Variants in COL2A1 observed in about 807,000 individuals in gnomAD.
COL2A1 encodes the protein collagen alpha-1(II) chain.
A neutral mutation model predicts 204.5 loss-of-function variants in COL2A1; 28 were observed. That is an observed-to-expected ratio of 0.14 (90% confidence interval 0.10 to 0.19). The LOEUF (loss-of-function observed/expected upper bound fraction) is 0.19, where lower values mean the gene tolerates loss of function less well. Among genes scored for constraint, COL2A1 ranks in the 10% least tolerant of loss-of-function variants. The probability of loss-of-function intolerance (pLI) is 1.00; values close to 1 mark genes in which losing one functional copy is unlikely to be tolerated. For missense variants in COL2A1, 1,388 were observed against 2,027.5 expected (o/e 0.68, Z 6.06); for synonymous variants, 708 against 718.7 (o/e 0.99, Z 0.24).
rs1223523741 is a variant in COL2A1 at position 47,975,515 on chromosome 12, C to T, written c.3688G>A (p.Glu1230Lys). Reference sequence around the variant, plus strand: ...TACTGCAGGGGGTCGGGGCCCTTCTCTCTCGGGCCTAAGCCAGCAAAGGCG... The same window carrying T: ...TACTGCAGGGGGTCGGGGCCCTTCTTTCTCGGGCCTAAGCCAGCAAAGGCG... ...MSAFAGLGPR[E>K]KGPDPLQYMR... The change falls in exon 51 of 54, where the codon GAG becomes AAG. Residue 1230 changes from glutamate (E) to lysine (K), a missense_variant. By Grantham distance (56) the Glu-to-Lys change is moderately conservative (BLOSUM62 1). Around this residue, in one of 3 missense-constraint regions of COL2A1, gnomAD observed 303 missense variants for 369.2 expected, o/e 0.82. Transcript: ENST00000380518. 3.1e-6 allele frequency: 5 copies of T among 1,610,720 alleles called. No homozygotes were observed. Among genetic ancestry groups the T allele is most frequent in the African/African-American group, 1.3e-5 (1 of 74,912 alleles).
chr12:47,985,686 T>C (rs1490722867), intron 25 of COL2A1, 42 bp downstream of exon 25: 8 of 1,611,120 alleles, frequency 5.0e-6, no homozygotes, highest in Non-Finnish European at 6.8e-6. Context: ...AGGAAGGGCC[T>C]GAGGGTCTGA....
In COL2A1 at chr12:47,976,951, G is replaced by A. The variant is rs1442192742; in HGVS notation, c.3328-32C>T. ...ACAAGACAGACACCGATTGAGTCAGGTCAGGGCCAGGACAGGAGCCCCCTC... is the reference window on the plus strand; with the variant it reads ...ACAAGACAGACACCGATTGAGTCAGATCAGGGCCAGGACAGGAGCCCCCTC... On this transcript the variant is annotated intron_variant, in intron 47 of 53. Transcript: ENST00000380518. This position sits in a 1 kb window ranked among gnomAD's most constrained non-coding sequence, Gnocchi z 4.3. 6.4e-7 allele frequency: 1 copy of A among 1,569,270 alleles called. No homozygotes were observed. Among genetic ancestry groups the A allele is most frequent in the Non-Finnish European group, 8.7e-7 (1 of 1,151,756 alleles).
intron 17 of COL2A1, 67 bp from the exon 18 acceptor site, chr12:47,989,348 G>T: frequency 1.6e-6 from 2 of 1,254,502 alleles, no homozygotes; most frequent in South Asian, 2.5e-5. Context: ...GAGCCACCCC[G>T]ACACCTCACA....
At chr12:47,984,958 C>A (rs1939309850) in intron 27 of COL2A1, 37 bp downstream of exon 27, 3 of 1,559,458 alleles carry the variant, frequency 1.9e-6, no homozygotes, top group African/African-American at 2.7e-5. Flanking sequence ...TAGGTAGCAC[C>A]ACATGGAAGG....
In COL2A1 at chr12:47,998,403, G is replaced by A; in HGVS notation, c.309+12C>T. On this transcript the variant is annotated intron_variant, in intron 3 of 53. Coordinates refer to ENST00000380518, the MANE Select transcript of COL2A1 (RefSeq NM_001844.5). ...AAAAAATATGAAAAAAGAAAAAGAA[G>A]AAAGCCCTTACCTTTGGTCCTGGTT... The A allele has an allele frequency of 6.3e-7, 1 of 1,599,368 alleles. No homozygotes were observed. The highest frequency in any genetic ancestry group is 2.2e-5 in the East Asian group (1 of 44,820).
At chr12:47,997,828 C>T (rs1204100783) in intron 6 of COL2A1, 43 bp downstream of exon 6, 7 of 1,613,018 alleles carry the variant, frequency 4.3e-6, no homozygotes, top group Non-Finnish European at 3.4e-6. Context: ...CTTGGGGGAC[C>T]TGGGAAGTCC....
At chr12:47,984,900 G>A in intron 27 of COL2A1, 95 bp downstream of exon 27, 2 of 1,076,800 alleles carry the variant, frequency 1.9e-6, no homozygotes, top group Non-Finnish European at 2.8e-6. Context: ...ACTGTCCCTG[G>A]TTAAACTCTA....
rs527569925 is a variant in COL2A1 at position 48,001,797 on chromosome 12, G to A, written c.86-1672C>T. 2.6e-5 allele frequency among the ~76,000 whole-genome samples: 4 copies of A among 152,318 alleles called. No homozygotes were observed. The South Asian group carries it at 6.2e-4, about 24-fold the overall frequency. On this transcript the variant is annotated intron_variant, in intron 1 of 53. Coordinates refer to ENST00000380518, the MANE Select transcript of COL2A1 (RefSeq NM_001844.5). ...GTAACCGGATCCCCTAGGTGTGGAC[G>A]GAGGAGCCCAGCACCACCATAATTG...
chr12:47,991,208 C>T (rs1292978005), intron 16 of COL2A1, among the ~76,000 whole-genome samples: 1 of 152,210 alleles, frequency 6.6e-6, no homozygotes. Context: ...GGTCAGCCAG[C>T]AGGAGGGCCC....
Position 47,987,362 on chromosome 12 carries a change from C to A in COL2A1, c.1222-49G>T, listed in dbSNP as rs780529876. 1 of 1,596,708 alleles carries A rather than the reference C, an allele frequency of 6.3e-7. No homozygotes were observed. Among genetic ancestry groups the A allele is most frequent in the Non-Finnish European group, 8.6e-7 (1 of 1,165,360 alleles). ...TAAGCAGCAAAGAATGAACCCCAACCACCTCCAGCCCTCCAGGATCCAGAT... is the reference window on the plus strand; with the variant it reads ...TAAGCAGCAAAGAATGAACCCCAACAACCTCCAGCCCTCCAGGATCCAGAT... On this transcript the variant is annotated intron_variant, in intron 19 of 53. Coordinates refer to ENST00000380518, the MANE Select transcript of COL2A1 (RefSeq NM_001844.5). This position sits in a 1 kb window ranked among gnomAD's most constrained non-coding sequence, Gnocchi z 4.1.
Position 48,004,408 on chromosome 12 carries a change from G to A in COL2A1, c.-87C>T. ...CGGCGCGGGTCCGGGTCTCTACCGC[G>A]CCCTCATGCAGGAGGCCCTTGGAGC... is the stretch of plus-strand genomic sequence containing the variant. On this transcript the variant is annotated 5_prime_UTR_variant, in exon 1 of 54. Transcript: ENST00000380518. 5.3e-6 allele frequency: 4 copies of A among 757,956 alleles called. No homozygotes were observed. The highest frequency in any genetic ancestry group is 8.9e-6 in the Non-Finnish European group (4 of 451,468). The allele number at this position is 757,956 out of a possible 1,614,324, so 47.0% of individuals were successfully genotyped here. A position where few individuals can be genotyped will look rare whatever the true frequency, so the allele number is the denominator to read the frequency against.
At chr12:47,985,261 C>T (rs113818663) in intron 26 of COL2A1, among the ~76,000 whole-genome samples, 168 bp from the exon 27 acceptor site, 12 of 152,278 alleles carry the variant, frequency 7.9e-5, no homozygotes, top group African/African-American at 2.9e-4. Flanking sequence ...AACAAGACAC[C>T]GCTGAGCTTA....
In COL2A1 at chr12:47,978,860, G is replaced by A. The variant is rs1565672487; in HGVS notation, c.2734-102C>T. 2 of 1,244,908 alleles carry A rather than the reference G, an allele frequency of 1.6e-6. No individual in the cohort carries two copies. The highest frequency in any genetic ancestry group is 3.0e-5 in the African/African-American group (2 of 67,426). The allele number at this position is 1,244,908 out of a possible 1,614,324, so 77.1% of individuals were successfully genotyped here. A position where few individuals can be genotyped will look rare whatever the true frequency, so the allele number is the denominator to read the frequency against. On this transcript the variant is annotated intron_variant, in intron 41 of 53. Transcript: ENST00000380518. This position sits in a 1 kb window ranked among gnomAD's most constrained non-coding sequence, Gnocchi z 5.5. ...AGTGACAGCAGTTTCCTCTCTGGGG[G>A]CTTCTCTACCTCCCCACACTAAGGG...
chr12:47,998,063 A>C lies in COL2A1; in HGVS notation c.344T>G (p.Ile115Ser). 1 of 1,614,214 alleles carries C rather than the reference A, an allele frequency of 6.2e-7. No homozygotes were observed. The highest frequency in any genetic ancestry group is 8.5e-7 in the Non-Finnish European group (1 of 1,180,030). Reference sequence around the variant, plus strand: ...CCCAGGAGGTCCTTTGGGTCCTACAATCTGTGAGAGAGAGCCCCACAGGAT... The same window carrying C: ...CCCAGGAGGTCCTTTGGGTCCTACACTCTGTGAGAGAGAGCCCCACAGGAT... ...QKGEPGDIKD[I>S]VGPKGPPGPQ... Residue 115 changes from isoleucine (I) to serine (S), a missense_variant and splice_region_variant, in exon 5 of 54, where the codon ATT (isoleucine) becomes AGT (serine). Physicochemically the swap from Ile to Ser is moderately radical, Grantham distance 142. Transcript: ENST00000380518.
intron 34 of COL2A1, 96 bp downstream of exon 34, chr12:47,982,406 C>A: frequency 9.3e-7 from 1 of 1,071,596 alleles, no homozygotes; most frequent in South Asian, 1.3e-5. Flanking sequence ...CAGAAACCTT[C>A]ATCACCAGGT....
At chr12:47,985,496 C>A in intron 26 of COL2A1, 38 bp downstream of exon 26, 1 of 1,602,988 alleles carries the variant, frequency 6.2e-7, no homozygotes, top group South Asian at 1.1e-5. Context: ...CAGGGAGATC[C>A]CCCCACCCTC....
chr12:47,982,058 A>G, intron 35 of COL2A1, 49 bp downstream of exon 35: 4 of 1,573,388 alleles, frequency 2.5e-6, no homozygotes, highest in Non-Finnish European at 3.5e-6. Context: ...TCCTGGGTGC[A>G]GGGCTAGGAT....
intron 44 of COL2A1, 123 bp from the exon 45 acceptor site, chr12:47,977,776 G>T: frequency 8.5e-7 from 1 of 1,177,974 alleles, no homozygotes; most frequent in Non-Finnish European, 1.2e-6. Flanking sequence ...ACACTTTGAA[G>T]CCAAAGTTTC....
intron 53 of COL2A1, 64 bp from the exon 54 acceptor site, chr12:47,973,617 C>T: frequency 6.3e-7 from 1 of 1,596,444 alleles, no homozygotes. Context: ...TCCAGCTGCC[C>T]AGAAGCCCAA....
Sources: gnomAD v4.1 joint callset for allele counts (sites outside exome capture counted in the v4.1 genomes callset) on GRCh38, gnomAD v4.1.1 for gene constraint, gnomAD v4.1.1 regional missense constraint, Gnocchi (gnomAD v3.1) non-coding constraint, MANE v1.5 for transcripts, NCBI Gene and HGNC (gene_info 2026-07-23, HGNC 2026-07-21) for gene names.